The following CHTF18 variants were observed in gnomAD, a reference collection of about 807,000 sequenced individuals.
The protein encoded by CHTF18 is chromosome transmission fidelity protein 18 homolog.
Under a neutral mutation model 113.4 loss-of-function variants are expected in CHTF18, and 151 were observed. The ratio of observed to expected loss-of-function variants is 1.33; its 90% CI spans 1.17 to 1.52. The LOEUF (loss-of-function observed/expected upper bound fraction) is 1.52. Ranked by LOEUF, CHTF18 falls within the 40% of genes most tolerant of loss-of-function variation. CHTF18 has a pLI of 0.00. For missense variants in CHTF18, 1,982 were observed against 1,381.6 expected, an observed-to-expected ratio of 1.43 and a Z score of -6.89; for synonymous variants, 916 against 598.8, an observed-to-expected ratio of 1.53 and a Z score of -7.74.
intron 6 of CHTF18, 39 bp from the exon 7 acceptor site, chr16:790,486 C>G: frequency 2.5e-6 from 4 of 1,606,868 alleles, no homozygotes; most frequent in Middle Eastern, 1.7e-4. Flanking sequence ...GGCATGGTCC[C>G]TGCGAGTTGT....
In CHTF18 at chr16:792,799, G is replaced by A. The variant is rs1406805552; in HGVS notation, c.1560G>A (p.Gln520=). 5.8e-6 allele frequency: 9 copies of A among 1,541,676 alleles called. No homozygotes were observed. The highest frequency in any genetic ancestry group is 7.0e-6 in the Non-Finnish European group (8 of 1,147,738). Residue 520 remains glutamine (Q), a synonymous_variant, in exon 12 of 22, where the codon CAG becomes CAA. Transcript: ENST00000262315. ...FPPTLPSRLV[Q]RLQEVSLRQG... ...CGACTCTGCCCTCGAGGCTGGTGCAGCGGCTCCAGGAGGTCGGTGGAGCCC... is the reference window on the plus strand; with the variant it reads ...CGACTCTGCCCTCGAGGCTGGTGCAACGGCTCCAGGAGGTCGGTGGAGCCC...
intron 11 of CHTF18, 25 bp downstream of exon 11, chr16:792,615 G>A (rs756588983): frequency 2.5e-6 from 4 of 1,591,692 alleles, no homozygotes; most frequent in Non-Finnish European, 3.4e-6. Context: ...GGGCGCCACA[G>A]TCAGGAGAGG....
rs781192263 is a variant in CHTF18, at chr16:793,685, G to A, written c.1803-369G>A. The A allele has an allele frequency of 2.5e-5, 15 of 594,992 alleles. 1 individual carries two copies. Among genetic ancestry groups the A allele is most frequent in the South Asian group, 9.7e-5 (6 of 61,914 alleles). 36.9% of individuals were successfully genotyped at this position (594,992 alleles called of 1,614,324 possible). On this transcript the variant is annotated intron_variant, in intron 14 of 21. Coordinates refer to ENST00000262315, the MANE Select transcript of CHTF18 (RefSeq NM_022092.3). ...GCAGCCAGCATGTCTCTGTCCTGAC[G>A]TGCCATGGGACCCCAGGGGATGCTG...
In CHTF18 at chr16:795,708, G is replaced by T. The variant is rs745907614; in HGVS notation, c.2199G>T (p.Met733Ile). The T allele has an allele frequency of 1.2e-6, 2 of 1,603,214 alleles. No homozygotes were observed. Among genetic ancestry groups the T allele is most frequent in the African/African-American group, 1.4e-5 (1 of 71,856 alleles). The stretch of plus-strand genomic sequence containing the variant: ...AGGCCCAGAACCGGATGAGCCAGAT[G>T]AGGAACCTGATCCAGACGCTGGTGT... Reference protein sequence around the residue: ...QQEAQNRMSQMRNLIQTLVSG... With the variant: ...QQEAQNRMSQIRNLIQTLVSG... The change falls in exon 17 of 22, where the codon ATG becomes ATT. Residue 733 changes from methionine to isoleucine, a missense_variant. Physicochemically the swap from Met to Ile is conservative, Grantham distance 10. Transcript: ENST00000262315.
In CHTF18 at chr16:790,031, C is replaced by T. The variant is rs745459922; in HGVS notation, c.607-146C>T. ...GCTGACCCATCTGGATGGCTTCATT[C>T]CTTTGGCACCCCTGTCCAGTCTCCC... On this transcript the variant is annotated intron_variant, in intron 4 of 21. Transcript: ENST00000262315. 827 of 1,535,640 alleles carry T rather than the reference C, an allele frequency of 5.4e-4. 3 individuals are homozygous for T. Among genetic ancestry groups the T allele is most frequent in the Non-Finnish European group, 6.5e-4 (747 of 1,146,966 alleles).
In CHTF18 at chr16:789,581, C is replaced by G. The variant is rs199581615; in HGVS notation, c.472C>G (p.Arg158Gly). 2.6e-4 allele frequency: 425 copies of G among 1,605,056 alleles called. 2 individuals are homozygous for G. The African/African-American group carries it at 5.3e-3, about 20-fold the overall frequency. The change falls in exon 4 of 22, where the codon CGG (arginine) becomes GGG (glycine). Residue 158 changes from arginine (R) to glycine (G), a missense_variant. Physicochemically the swap from Arg to Gly is moderately radical, Grantham distance 125. Transcript: ENST00000262315. Reference sequence around the variant, plus strand: ...AGCTGCTGCCGACGTGGGTCTCACACGGGCCTCACCAGCTGCCCGCAATCC... The same window carrying G: ...AGCTGCTGCCGACGTGGGTCTCACAGGGGCCTCACCAGCTGCCCGCAATCC... ...SEAAADVGLT[R>G]ASPAARNPVL...
intron 16 of CHTF18, 133 bp downstream of exon 16, chr16:795,489 C>CT (rs1491250192): frequency 0.013 from 3,781 of 296,232 alleles, 472 homozygotes; most frequent in East Asian, 0.055. Flanking sequence ...GCCCCGTGCC[C>CT]GCCCCCCCAA....
chr16:790,316 C>T (rs767058178), intron 5 of CHTF18, 31 bp from the exon 6 acceptor site: 99 of 1,611,372 alleles, frequency 6.1e-5, no homozygotes, highest in Non-Finnish European at 7.8e-5. Context: ...GCCGCCTGAG[C>T]CCTCCTGATT....
Position 789,005 on chromosome 16 carries a change from C to T in CHTF18, c.166C>T (p.Leu56Phe), listed in dbSNP as rs757167656. ...ACCCCCGCGGACGTTCGAGGAGGCC[C>T]TTGCCAGAGGGGACGCGGCCTCCAG... ...GRPPRTFEEA[L>F]ARGDAASSPA... Residue 56 changes from leucine to phenylalanine, a missense_variant, in exon 2 of 22, where the codon CTT becomes TTT. Physicochemically the swap from Leu to Phe is conservative, Grantham distance 22. Coordinates refer to ENST00000262315, the MANE Select transcript of CHTF18 (RefSeq NM_022092.3). The T allele has an allele frequency of 3.4e-5, 53 of 1,556,674 alleles. No homozygotes were observed. The highest frequency in any genetic ancestry group is 4.0e-5 in the Non-Finnish European group (46 of 1,156,014).
chr16:792,065 T>C, intron 9 of CHTF18, 117 bp downstream of exon 9: 2 of 1,536,988 alleles, frequency 1.3e-6, no homozygotes, highest in Non-Finnish European at 1.8e-6. Flanking sequence ...GGGGCCTGGG[T>C]GTGTGGGCCG....
In CHTF18 at chr16:791,146, C is replaced by T; in HGVS notation, c.895-15C>T. 3 of 1,603,724 alleles carry T rather than the reference C, an allele frequency of 1.9e-6. No homozygotes were observed. Among genetic ancestry groups the T allele is most frequent in the South Asian group, 1.1e-5 (1 of 89,434 alleles). ...GTGCCCTCAGGCTGTGCTTCCCTTC[C>T]CGTCCTTCCCGCAGTTCACCAACCG... is the stretch of plus-strand genomic sequence containing the variant. On this transcript the variant is annotated splice_polypyrimidine_tract_variant and intron_variant, in intron 7 of 21. Coordinates refer to ENST00000262315, the MANE Select transcript of CHTF18 (RefSeq NM_022092.3).
chr16:791,708 C>G, intron 8 of CHTF18, 143 bp from the exon 9 acceptor site: 2 of 1,435,770 alleles, frequency 1.4e-6, no homozygotes, highest in East Asian at 2.5e-5. Flanking sequence ...TGTGAAAGTG[C>G]TCAATTTTGT....
intron 2 of CHTF18, 38 bp downstream of exon 2, chr16:789,163 G>C: frequency 6.5e-7 from 1 of 1,549,878 alleles, no homozygotes; most frequent in Non-Finnish European, 8.7e-7. Flanking sequence ...TCCGGAGTGG[G>C]CGCGAGGCTG....
Position 788,969 on chromosome 16 carries a change from A to C in CHTF18, c.130A>C (p.Thr44Pro), listed in dbSNP as rs1450026904. The C allele has an allele frequency of 2.6e-6, 4 of 1,568,036 alleles. No homozygotes were observed. In the East Asian group the frequency reaches 9.4e-5, roughly 37 times the overall value. Residue 44 changes from threonine (T) to proline (P), a missense_variant, in exon 2 of 22, where the codon ACC (threonine) becomes CCC (proline). Transcript: ENST00000262315. ...TPSPSGVPLFTAGRPPRTFEE... is the reference protein window; with the variant it reads ...TPSPSGVPLFPAGRPPRTFEE... ...GTCGCCCTCCGGGGTCCCCCTGTTC[A>C]CCGCGGGCCGACCCCCGCGGACGTT...
chr16:796,960 G>C lies in CHTF18; in HGVS notation c.2602-1G>C. On this transcript the variant is annotated splice_acceptor_variant, in intron 19 of 21. Coordinates refer to ENST00000262315, the MANE Select transcript of CHTF18 (RefSeq NM_022092.3). LOFTEE classifies it high-confidence loss of function. ...GATCTCACAATGCCTGCTCCCTACA[G>C]GTGGATGGGAGCCCCCCAGGGCTCG... The C allele has an allele frequency of 6.5e-7, 1 of 1,528,846 alleles. No individual in the cohort carries two copies. The highest frequency in any genetic ancestry group is 8.8e-7 in the Non-Finnish European group (1 of 1,135,302). 94.7% of individuals were successfully genotyped at this position (1,528,846 alleles called of 1,614,324 possible). A position where few individuals can be genotyped will look rare whatever the true frequency, so the allele number is the denominator to read the frequency against.
At chr16:790,317 C>T (rs755783106) in intron 5 of CHTF18, 30 bp from the exon 6 acceptor site, 18 of 1,611,646 alleles carry the variant, frequency 1.1e-5, no homozygotes, top group Admixed American at 1.7e-5. Flanking sequence ...CCGCCTGAGC[C>T]CTCCTGATTC....
chr16:796,674 C>T (rs2042356767), intron 18 of CHTF18, 43 bp from the exon 19 acceptor site: 1 of 1,537,618 alleles, frequency 6.5e-7, no homozygotes, highest in Non-Finnish European at 8.7e-7. Flanking sequence ...GGCCCTGAGC[C>T]TGGCCCCGCT....
chr16:792,568 A>C lies in CHTF18; in HGVS notation c.1456A>C (p.Ile486Leu), dbSNP rs754627271. Residue 486 changes from isoleucine (I) to leucine (L), a missense_variant, in exon 11 of 22, where the codon ATT becomes CTT. Coordinates refer to ENST00000262315, the MANE Select transcript of CHTF18 (RefSeq NM_022092.3). Reference protein sequence around the residue: ...RAEGGLLMRPIICICNDQFAP... With the variant: ...RAEGGLLMRPLICICNDQFAP... ...AGAGGGGGGGCTCCTCATGAGGCCC[A>C]TTATCTGCATTTGCAATGACCAGTG... 18 of 1,596,176 alleles carry C rather than the reference A, an allele frequency of 1.1e-5. 1 individual carries two copies. In the East Asian group the frequency reaches 3.8e-4, roughly 34 times the overall value.
rs1049305998 is a variant in CHTF18, at chr16:796,866, G to C, written c.2601+5G>C. 1.3e-6 allele frequency: 2 copies of C among 1,587,216 alleles called. No individual in the cohort carries two copies. The highest frequency in any genetic ancestry group is 3.5e-5 in the Admixed American group (2 of 57,592). Reference sequence around the variant, plus strand: ...CGGGTAGAGAACAGCCCCCAGGTGAGCCCACCCAGGCTCTGGAGCAGGTTG... The same window carrying C: ...CGGGTAGAGAACAGCCCCCAGGTGACCCCACCCAGGCTCTGGAGCAGGTTG... On this transcript the variant is annotated splice_donor_5th_base_variant and intron_variant, in intron 19 of 21. Coordinates refer to ENST00000262315, the MANE Select transcript of CHTF18 (RefSeq NM_022092.3).
Sources: allele counts gnomAD v4.1 joint callset, GRCh38; gene constraint gnomAD v4.1.1; transcripts MANE v1.5; gene names NCBI Gene and HGNC (gene_info 2026-07-23, HGNC 2026-07-21).